ALCAM: variants seen among roughly 807,000 people sequenced by gnomAD.
The protein encoded by ALCAM is activated leukocyte cell adhesion molecule, also known as CD166 antigen.
In ALCAM, 30 loss-of-function variants were observed where a neutral mutation model predicts 70.9. The observed-to-expected ratio is 0.42, with a 90% CI of 0.32 to 0.57. The LOEUF (loss-of-function observed/expected upper bound fraction) is 0.57. Ranked by LOEUF, ALCAM falls within the 20% of genes least tolerant of loss-of-function variation. The probability of loss-of-function intolerance (pLI) is 0.11; values close to 1 mark genes in which losing one functional copy is unlikely to be tolerated. For synonymous variants in ALCAM, 249 were observed against 242.5 expected, an observed-to-expected ratio of 1.03 and a Z score of -0.25; for missense variants, 591 against 695.1, an observed-to-expected ratio of 0.85 and a Z score of 1.68.
chr3:105,509,100 T>A (rs1016375619), intron 1 of ALCAM, among the ~76,000 whole-genome samples: 2 of 152,108 alleles, frequency 1.3e-5, no homozygotes, highest in Non-Finnish European at 2.9e-5. Flanking sequence ...TATAGACAAT[T>A]TATTTATCCT....
intron 1 of ALCAM, among the ~76,000 whole-genome samples, chr3:105,438,304 A>G (rs1424194074): frequency 6.6e-6 from 1 of 152,032 alleles, no homozygotes; most frequent in Non-Finnish European, 1.5e-5. Flanking sequence ...ATTCCCCCAT[A>G]TTGCTGACAT....
At chr3:105,514,685 T>C (rs1215924424) in intron 1 of ALCAM, among the ~76,000 whole-genome samples, 1 of 151,908 alleles carries the variant, frequency 6.6e-6, no homozygotes, top group Non-Finnish European at 1.5e-5. Context: ...TAGTTTATAA[T>C]TTAGTAACAT....
chr3:105,456,176 G>A (rs1314317492), intron 1 of ALCAM, among the ~76,000 whole-genome samples: 1 of 152,180 alleles, frequency 6.6e-6, no homozygotes, highest in African/African-American at 2.4e-5. Context: ...ACTGCCTATG[G>A]GGTAGCCCTG....
chr3:105,398,977 C>A (rs187093871), intron 1 of ALCAM, among the ~76,000 whole-genome samples: 5 of 151,228 alleles, frequency 3.3e-5, no homozygotes, highest in African/African-American at 1.2e-4. Context: ...ACTCTCATCT[C>A]TTTTCCTTGT....
chr3:105,534,963 C>G, intron 6 of ALCAM, 118 bp downstream of exon 6: 1 of 927,272 alleles, frequency 1.1e-6, no homozygotes. Context: ...GTCTGCACCC[C>G]AAATTGATGG....
chr3:105,381,952 A>T (rs1405635809), intron 1 of ALCAM, among the ~76,000 whole-genome samples: 3 of 148,444 alleles, frequency 2.0e-5, no homozygotes, highest in Admixed American at 1.3e-4. Context: ...TATTATTATT[A>T]TTATACTTTA....
intron 14 of ALCAM, chr3:105,553,114 T>C (rs1940448661): frequency 1.0e-6 from 1 of 979,592 alleles, no homozygotes; most frequent in Non-Finnish European, 1.2e-6. Flanking sequence ...TCAACTTGAG[T>C]TTTTAAAAAT....
chr3:105,432,714 A>G (rs1375230520), intron 1 of ALCAM, among the ~76,000 whole-genome samples: 1 of 152,128 alleles, frequency 6.6e-6, no homozygotes, highest in Non-Finnish European at 1.5e-5. Flanking sequence ...CCTGCCTTCC[A>G]AGATGTACAC....
In ALCAM at chr3:105,554,486, C is replaced by T. The variant is rs140069758; in HGVS notation, c.1664+1901C>T. On this transcript the variant is annotated intron_variant, in intron 14 of 15. Transcript: ENST00000306107. ...GATTCGGTTCAAATATTAATCTCAC[C>T]CAGAGATACCCTCACAGACACAGCC... Among the ~76,000 whole-genome samples the T allele has an allele frequency of 5.9e-5, 9 of 152,048 alleles. No individual in the cohort carries two copies. The East Asian group carries it at 1.2e-3, about 20-fold the overall frequency.
intron 1 of ALCAM, among the ~76,000 whole-genome samples, chr3:105,452,664 T>A (rs190561759): frequency 3.9e-5 from 6 of 152,332 alleles, no homozygotes; most frequent in Admixed American, 3.9e-4. Context: ...TCTTCCACAA[T>A]GGCTGAACTA....
In ALCAM at chr3:105,411,210, A is replaced by G. The variant is rs115992077; in HGVS notation, c.73+43729A>G. On this transcript the variant is annotated intron_variant, in intron 1 of 15. Transcript: ENST00000306107. The stretch of plus-strand genomic sequence containing the variant: ...CTGCAGTATCTTTATAAAGTGGATA[A>G]TAATTGTGTTAGAGATCATTTGATC... Among the ~76,000 whole-genome samples, 1,372 of 152,164 alleles carry G rather than the reference A, an allele frequency of 9.0e-3. 16 individuals carry two copies. Among genetic ancestry groups the G allele is most frequent in the African/African-American group, 0.015 (622 of 41,558 alleles).
chr3:105,399,587 GA>G (rs937801051), intron 1 of ALCAM, among the ~76,000 whole-genome samples: 4 of 151,946 alleles, frequency 2.6e-5, no homozygotes, highest in African/African-American at 4.8e-5. Context: ...ATTTCAGTAT[GA>G]AAAAAAGTGA....
At chr3:105,421,342 C>G (rs1053216846) in intron 1 of ALCAM, among the ~76,000 whole-genome samples, 5 of 151,456 alleles carry the variant, frequency 3.3e-5, no homozygotes, top group Admixed American at 1.3e-4. Context: ...TGCTATGGTT[C>G]TTTTGTGGTC....
chr3:105,570,495 T>C (rs1191571686), intron 14 of ALCAM, among the ~76,000 whole-genome samples: 1 of 151,958 alleles, frequency 6.6e-6, no homozygotes, highest in Non-Finnish European at 1.5e-5. Context: ...TACACATCGA[T>C]AGAAGACACA....
intron 1 of ALCAM, among the ~76,000 whole-genome samples, chr3:105,492,157 A>T (rs1938605705): frequency 6.6e-6 from 1 of 152,132 alleles, no homozygotes; most frequent in African/African-American, 2.4e-5. Context: ...AAGAGCTGAG[A>T]AAAGGGGGAA....
At chr3:105,515,862 T>C (rs1474042078) in intron 1 of ALCAM, among the ~76,000 whole-genome samples, 2 of 152,066 alleles carry the variant, frequency 1.3e-5, no homozygotes, top group African/African-American at 4.8e-5. Flanking sequence ...GAAAGTAATT[T>C]CTAAGGATAA....
rs910620293 is a variant in ALCAM, at chr3:105,449,981, A to G, written c.74-70086A>G. Among the ~76,000 whole-genome samples, 19 of 152,078 alleles carry G rather than the reference A, an allele frequency of 1.2e-4. 1 individual carries two copies. Among genetic ancestry groups the G allele is most frequent in the African/African-American group, 4.6e-4 (19 of 41,392 alleles). The stretch of plus-strand genomic sequence containing the variant: ...ACTCGTCTATTGTGTTCTATATTGC[A>G]TCTCTTACTAACAAAGGAAGCACAA... On this transcript the variant is annotated intron_variant, in intron 1 of 15. Transcript: ENST00000306107.
chr3:105,381,896 T>C (rs1181184689), intron 1 of ALCAM, among the ~76,000 whole-genome samples: 1 of 151,594 alleles, frequency 6.6e-6, no homozygotes. Context: ...TTTTTTTTAT[T>C]GTCATATTTT....
intron 1 of ALCAM, among the ~76,000 whole-genome samples, chr3:105,495,729 C>G (rs148128263): frequency 1.3e-5 from 2 of 152,260 alleles, no homozygotes; most frequent in South Asian, 2.1e-4. Flanking sequence ...GTGCCATTTA[C>G]TACCTATGGC....
Sources: gnomAD v4.1 joint callset for allele counts (sites outside exome capture counted in the v4.1 genomes callset) on GRCh38, gnomAD v4.1.1 for gene constraint, MANE v1.5 for transcripts, NCBI Gene and HGNC (gene_info 2026-07-23, HGNC 2026-07-21) for gene names.